Variants in TENM3 observed in about 807,000 individuals in gnomAD.
TENM3 encodes the protein teneurin-3.
TENM3 carries 63 observed loss-of-function variants against 255.1 expected under a neutral mutation model. The ratio of observed to expected loss-of-function variants is 0.25; its 90% CI spans 0.20 to 0.30. The LOEUF is 0.30. Among genes scored for constraint, TENM3 ranks in the 10% least tolerant of loss-of-function variants. The pLI, the probability that TENM3 is intolerant of heterozygous loss-of-function variation, is 1.00. For missense variants in TENM3, 2,929 were observed against 3,461.1 expected (o/e 0.85, Z 3.86); for synonymous variants, 1,306 against 1,322.3 (o/e 0.99, Z 0.27).
At chr4:182,362,678 A>C (rs1766104652) in intron 3 of TENM3, among the ~76,000 whole-genome samples, 1 of 152,150 alleles carries the variant, frequency 6.6e-6, no homozygotes, top group South Asian at 2.1e-4. Context: ...GCACTTCCCG[A>C]GTGAGGCAAT....
intron 19 of TENM3, among the ~76,000 whole-genome samples, chr4:182,750,960 C>T (rs532423453): frequency 1.3e-5 from 2 of 152,228 alleles, no homozygotes. Context: ...TTTTTAATTC[C>T]AATGATACGT....
intron 1 of TENM3, among the ~76,000 whole-genome samples, chr4:182,230,811 A>AATAT (rs1561221454): frequency 5.9e-4 from 35 of 59,244 alleles, no homozygotes; most frequent in Admixed American, 7.6e-4. Flanking sequence ...AGTTTCTCAA[A>AATAT]CTATATATAT....
At chr4:181,805,613 G>T in the TENM3 span, among the ~76,000 whole-genome samples, 2 of 120,756 alleles carry the variant, frequency 1.7e-5, no homozygotes, top group African/African-American at 2.8e-5. Context: ...GTGTGTGTGT[G>T]GTGTGTGTGT....
chr4:181,470,119 A>AAAAC, the TENM3 span, among the ~76,000 whole-genome samples: 1 of 126,748 alleles, frequency 7.9e-6, no homozygotes, highest in African/African-American at 2.9e-5. Context: ...AAAAAAAAAA[A>AAAAC]AAAAAACATT....
At chr4:182,268,868 G>A (rs958390379) in intron 1 of TENM3, among the ~76,000 whole-genome samples, 6 of 152,060 alleles carry the variant, frequency 3.9e-5, no homozygotes, top group Non-Finnish European at 5.9e-5. Flanking sequence ...AGCAGCCCTC[G>A]GGGCTGCTCT....
At chr4:181,743,650 G>C in the TENM3 span, among the ~76,000 whole-genome samples, 449 of 152,022 alleles carry the variant, frequency 3.0e-3, 2 homozygotes, top group African/African-American at 0.01. Context: ...TGGGCACCAG[G>C]GCAAGAGTGG....
In TENM3 at chr4:182,714,315, CAAAAAAA is replaced by C. The variant is rs374337174; in HGVS notation, c.2368+100_2368+106del. The C allele has an allele frequency of 2.9e-3, 411 of 140,532 alleles. 2 individuals carry two copies. Among genetic ancestry groups the C allele is most frequent in the East Asian group, 0.011 (104 of 9,312 alleles). The allele number at this position is 140,532 out of a possible 1,614,324, so 8.7% of individuals were successfully genotyped here. On this transcript the variant is annotated intron_variant, in intron 13 of 27. Coordinates refer to ENST00000511685, the MANE Select transcript of TENM3 (RefSeq NM_001080477.4). The stretch of plus-strand genomic sequence containing the variant: ...CAGTGAGTACATAGATATCTGTTGC[CAAAAAAA>C]AAAAAAAAAAAAAAAAACCTGATCC...
In TENM3 at chr4:182,243,924, A is replaced by G. The variant is rs550440114; in HGVS notation, c.-76+448A>G. ...AAGTGCTAACTGATAGACTCTTCCA[A>G]GAATGGAATCATTTGTGTTTTCTTT... On this transcript the variant is annotated intron_variant, in intron 1 of 27. Coordinates refer to ENST00000511685, the MANE Select transcript of TENM3 (RefSeq NM_001080477.4). 1.9e-4 allele frequency among the ~76,000 whole-genome samples: 29 copies of G among 151,582 alleles called. 1 individual carries two copies. The South Asian group carries it at 6.1e-3, about 32-fold the overall frequency.
chr4:182,611,172 G>A (rs1748966193), intron 4 of TENM3, among the ~76,000 whole-genome samples: 1 of 151,774 alleles, frequency 6.6e-6, no homozygotes, highest in Admixed American at 6.6e-5. Context: ...TTCTAGTAAT[G>A]ATCTCCAAAA....
the TENM3 span, among the ~76,000 whole-genome samples, chr4:181,883,738 A>G: frequency 6.6e-6 from 1 of 152,130 alleles, no homozygotes; most frequent in African/African-American, 2.4e-5. Flanking sequence ...CAGCCCCCCA[A>G]AGTGCTGGGA....
the TENM3 span, among the ~76,000 whole-genome samples, chr4:181,968,962 GTC>G: frequency 0.28 from 40,542 of 143,716 alleles, 5,514 homozygotes; most frequent in Non-Finnish European, 0.32. Context: ...TACCTCTCTT[GTC>G]TCTCTCTCTC....
chr4:182,714,307 T>C (rs950966402), intron 13 of TENM3, 74 bp downstream of exon 13: 4 of 369,246 alleles, frequency 1.1e-5, no homozygotes, highest in South Asian at 1.4e-4. Flanking sequence ...TACATAGATA[T>C]CTGTTGCCAA....
chr4:182,723,380 A>T (rs1016016810), intron 13 of TENM3, among the ~76,000 whole-genome samples: 2 of 152,154 alleles, frequency 1.3e-5, no homozygotes, highest in Non-Finnish European at 2.9e-5. Flanking sequence ...TTACATGGGA[A>T]TTTCTAATTC....
Position 182,601,017 on chromosome 4 carries a change from C to A in TENM3, c.605C>A (p.Ser202Tyr). The A allele has an allele frequency of 6.2e-7, 1 of 1,606,362 alleles. No homozygotes were observed. Among genetic ancestry groups the A allele is most frequent in the African/African-American group, 1.4e-5 (1 of 73,928 alleles). Residue 202 changes from serine to tyrosine, a missense_variant, in exon 4 of 28, where the codon TCT (serine) becomes TAT (tyrosine). By Grantham distance (144) the Ser-to-Tyr change is moderately radical. This residue lies in a region of TENM3 where 283 missense variants were observed against 256.9 expected (regional missense o/e 1.10). Transcript: ENST00000511685. ...HSAQHHPSIT[S>Y]LNRNSLTNRR... ...GCACAGCATCATCCATCCATCACTT[C>A]TCTCAACAGAAACTCCCTGACCAAT...
chr4:182,401,606 A>G (rs1021032638), intron 3 of TENM3, among the ~76,000 whole-genome samples: 3 of 152,094 alleles, frequency 2.0e-5, no homozygotes, highest in African/African-American at 7.2e-5. Flanking sequence ...AATGGCTTTC[A>G]GTTTTTTTTC....
chr4:182,502,907 A>G (rs1164672210), intron 3 of TENM3, among the ~76,000 whole-genome samples: 1 of 133,494 alleles, frequency 7.5e-6, no homozygotes, highest in African/African-American at 2.9e-5. Context: ...GGATGAAGTC[A>G]GCCTTTTTTT....
chr4:182,326,682 A>AC (rs1321171594), intron 2 of TENM3, among the ~76,000 whole-genome samples: 6 of 151,672 alleles, frequency 4.0e-5, no homozygotes, highest in African/African-American at 1.2e-4. Context: ...TCACAAGTGC[A>AC]CACCACCACC....
At chr4:182,458,046 G>C (rs1287415048) in intron 3 of TENM3, among the ~76,000 whole-genome samples, 2 of 152,018 alleles carry the variant, frequency 1.3e-5, no homozygotes, top group Non-Finnish European at 2.9e-5. Context: ...TCTCATATTT[G>C]CTCAAGGCAA....
the TENM3 span, among the ~76,000 whole-genome samples, chr4:181,992,308 G>A: frequency 6.6e-5 from 10 of 152,194 alleles, no homozygotes; most frequent in African/African-American, 2.4e-4. Flanking sequence ...AATTGAAAAA[G>A]CAATAATGGA....
Sources: gnomAD v4.1 joint callset for allele counts (sites outside exome capture counted in the v4.1 genomes callset) on GRCh38, gnomAD v4.1.1 for gene constraint, gnomAD v4.1.1 regional missense constraint, MANE v1.5 for transcripts, NCBI Gene and HGNC (gene_info 2026-07-23, HGNC 2026-07-21) for gene names.